Variants in ERG observed in about 807,000 individuals in gnomAD.
ERG encodes the protein ETS transcription factor ERG, also known as transcriptional regulator ERG.
In ERG, 9 loss-of-function variants were observed where a neutral mutation model predicts 55.3. That is an observed-to-expected ratio of 0.16 (90% CI 0.10 to 0.28). The LOEUF is 0.28. Among genes scored for constraint, ERG ranks in the 10% least tolerant of loss-of-function variants. ERG has a pLI of 1.00. For missense variants in ERG, 434 were observed against 631.6 expected, an observed-to-expected ratio of 0.69 and a Z score of 3.35; for synonymous variants, 223 against 237.3, an observed-to-expected ratio of 0.94 and a Z score of 0.55.
intron 2 of ERG, among the ~76,000 whole-genome samples, chr21:38,530,093 T>C (rs1020550523): frequency 3.3e-5 from 5 of 152,196 alleles, no homozygotes; most frequent in Non-Finnish European, 7.3e-5. Context: ...AGAGTCTTGC[T>C]CTGTTGCCTG....
chr21:38,542,413 G>A (rs1175505252), intron 2 of ERG, among the ~76,000 whole-genome samples: 1 of 152,138 alleles, frequency 6.6e-6, no homozygotes, highest in Non-Finnish European at 1.5e-5. Context: ...TATGAATCCT[G>A]CTGATATGTC....
chr21:38,518,557 T>C (rs1396272745), intron 2 of ERG, among the ~76,000 whole-genome samples: 1 of 152,012 alleles, frequency 6.6e-6, no homozygotes, highest in Admixed American at 6.6e-5. Context: ...TGTTGGTAAA[T>C]GATGCTGGAA....
At chr21:38,402,471 G>T in intron 5 of ERG, 86 bp downstream of exon 5, 3 of 951,210 alleles carry the variant, frequency 3.2e-6, no homozygotes, top group Non-Finnish European at 5.0e-6. Flanking sequence ...TTCCTGGCAC[G>T]CGCTGACTGG....
intron 2 of ERG, among the ~76,000 whole-genome samples, chr21:38,424,187 G>T (rs35295765): frequency 0.37 from 40,125 of 109,800 alleles, 6,360 homozygotes; most frequent in East Asian, 0.44. Context: ...CAGAGCTCGA[G>T]CTCTCTCTCT....
the ERG span, among the ~76,000 whole-genome samples, chr21:38,367,825 A>G: frequency 6.6e-6 from 1 of 152,292 alleles, no homozygotes; most frequent in East Asian, 1.9e-4. Context: ...TACGGTACAG[A>G]GAGTGAACTC....
intron 2 of ERG, among the ~76,000 whole-genome samples, chr21:38,439,897 T>G (rs560075018): frequency 1.3e-5 from 2 of 152,284 alleles, no homozygotes; most frequent in South Asian, 4.2e-4. Context: ...GCACATGGCC[T>G]TTTTCTCCGT....
intron 1 of ERG, among the ~76,000 whole-genome samples, chr21:38,647,788 CATTCACTCTTT>C (rs1474821459): frequency 6.6e-6 from 1 of 152,206 alleles, no homozygotes; most frequent in African/African-American, 2.4e-5. Context: ...ATGTTACACT[CATTCACTCTTT>C]AACAAGTCAC....
At chr21:38,437,618 G>A (rs1401983408) in intron 2 of ERG, among the ~76,000 whole-genome samples, 1 of 152,100 alleles carries the variant, frequency 6.6e-6, no homozygotes, top group African/African-American at 2.4e-5. Flanking sequence ...CCCTTAAAGG[G>A]GCCTCTATGC....
rs796532088 is a variant in ERG at position 38,408,581 on chromosome 21, GT to G, written c.389-4873del. Among the ~76,000 whole-genome samples the G allele has an allele frequency of 9.7e-4, 148 of 152,320 alleles. 1 individual carries two copies. Among genetic ancestry groups the G allele is most frequent in the African/African-American group, 2.9e-3 (121 of 41,566 alleles). On this transcript the variant is annotated intron_variant, in intron 3 of 9. Transcript: ENST00000288319. ...AATGATGCTGCAGCTGTAGATGATG[GT>G]TTTTAGAGTTCAGGTCAGTGCACTG...
intron 2 of ERG, among the ~76,000 whole-genome samples, chr21:38,546,236 C>A (rs1200849107): frequency 6.6e-6 from 1 of 152,174 alleles, no homozygotes; most frequent in Non-Finnish European, 1.5e-5. Context: ...TTACTTTTTT[C>A]TATCTTCTTT....
chr21:38,576,600 G>A (rs2059996058), intron 1 of ERG, among the ~76,000 whole-genome samples: 1 of 152,060 alleles, frequency 6.6e-6, no homozygotes, highest in South Asian at 2.1e-4. Flanking sequence ...AGCATGTTCT[G>A]ACCACTGTCT....
intron 2 of ERG, among the ~76,000 whole-genome samples, chr21:38,547,790 A>G (rs1383933495): frequency 6.6e-6 from 1 of 152,220 alleles, no homozygotes; most frequent in Non-Finnish European, 1.5e-5. Flanking sequence ...CCCTGAATCT[A>G]ATAGGCCAAC....
intron 1 of ERG, among the ~76,000 whole-genome samples, chr21:38,604,465 T>C (rs1407263975): frequency 2.6e-5 from 4 of 152,168 alleles, no homozygotes; most frequent in Middle Eastern, 3.4e-3. Context: ...GGTGGTATAA[T>C]TGAGGCAATT....
chr21:38,632,284 A>T (rs1204225649), intron 1 of ERG, among the ~76,000 whole-genome samples: 1 of 152,210 alleles, frequency 6.6e-6, no homozygotes, highest in Non-Finnish European at 1.5e-5. Context: ...AATGTCACTA[A>T]TCATCAGAAA....
upstream of ERG, among the ~76,000 whole-genome samples, chr21:38,585,546 T>TTTTTTTTTTTTTTTTC (rs2060058633): frequency 7.0e-6 from 1 of 142,838 alleles, no homozygotes. Flanking sequence ...TTTTTTTTTT[T>TTTTTTTTTTTTTTTTC]TTTTTTTTTT....
chr21:38,656,362 G>A (rs972625150), intron 1 of ERG, among the ~76,000 whole-genome samples: 8 of 152,084 alleles, frequency 5.3e-5, no homozygotes, highest in African/African-American at 1.9e-4. Flanking sequence ...TTAAACTAAG[G>A]CAATAGGTAA....
At chr21:38,610,990 GGA>G (rs2060223444) in intron 1 of ERG, among the ~76,000 whole-genome samples, 8 of 152,172 alleles carry the variant, frequency 5.3e-5, no homozygotes, top group Admixed American at 5.2e-4. Flanking sequence ...TGCCTTGGAG[GGA>G]AGCAATCCCT....
At chr21:38,518,070 G>A (rs889642516) in intron 2 of ERG, among the ~76,000 whole-genome samples, 16 of 152,126 alleles carry the variant, frequency 1.1e-4, no homozygotes, top group Admixed American at 3.9e-4. Flanking sequence ...TAACAAAAAT[G>A]TATTGTATAG....
chr21:38,644,137 T>C (rs960353221), intron 1 of ERG, among the ~76,000 whole-genome samples: 14 of 152,188 alleles, frequency 9.2e-5, no homozygotes, highest in Admixed American at 1.3e-4. Context: ...CAGGTCTGAA[T>C]TGAGGTCAAG....
Sources: gnomAD v4.1 joint callset for allele counts (sites outside exome capture counted in the v4.1 genomes callset) on GRCh38, gnomAD v4.1.1 for gene constraint, MANE v1.5 for transcripts, NCBI Gene and HGNC (gene_info 2026-07-23, HGNC 2026-07-21) for gene names.